Variants in SCRG1 observed in about 807,000 individuals in gnomAD.
SCRG1 encodes the protein scrapie-responsive protein 1.
In SCRG1, 3 loss-of-function variants were observed where a neutral mutation model predicts 7.7. That is an observed-to-expected ratio of 0.39 (90% CI 0.18 to 1.01). SCRG1 has a LOEUF of 1.01. Among genes scored for constraint, SCRG1 ranks in the 50% least tolerant of loss-of-function variants. The pLI is 0.36. For synonymous variants in SCRG1, 46 were observed against 41.2 expected (o/e 1.12, Z -0.44); for missense variants, 110 against 117.2 (o/e 0.94, Z 0.28).
At chr4:173,516,576 T>G in the SCRG1 span, among the ~76,000 whole-genome samples, 18 of 152,334 alleles carry the variant, frequency 1.2e-4, no homozygotes, top group Admixed American at 8.5e-4. Flanking sequence ...CCGTGTATAT[T>G]CCTCTGCTCC....
the SCRG1 span, among the ~76,000 whole-genome samples, chr4:173,492,806 G>A: frequency 4.9e-4 from 74 of 152,264 alleles, no homozygotes; most frequent in Non-Finnish European, 2.6e-4. Flanking sequence ...CTACGTGACC[G>A]CACTTCATGA....
At chr4:173,491,582 G>C in the SCRG1 span, among the ~76,000 whole-genome samples, 1 of 152,162 alleles carries the variant, frequency 6.6e-6, no homozygotes, top group Non-Finnish European at 1.5e-5. Flanking sequence ...AAGAGTCAAG[G>C]AATCAGCTCC....
At chr4:173,516,984 G>T in the SCRG1 span, among the ~76,000 whole-genome samples, 1 of 152,224 alleles carries the variant, frequency 6.6e-6, no homozygotes, top group Non-Finnish European at 1.5e-5. Flanking sequence ...TTTGTGCGCC[G>T]TAGTGCTTAG....
the SCRG1 span, among the ~76,000 whole-genome samples, chr4:173,463,810 G>A: frequency 6.6e-6 from 1 of 152,300 alleles, no homozygotes; most frequent in South Asian, 2.1e-4. Flanking sequence ...AATCCTGGAA[G>A]GTTGGGGAGA....
At chr4:173,471,768 G>A in the SCRG1 span, among the ~76,000 whole-genome samples, 1 of 152,208 alleles carries the variant, frequency 6.6e-6, no homozygotes, top group Non-Finnish European at 1.5e-5. Flanking sequence ...GGAGTGCAAT[G>A]GCGCGATCTC....
At chr4:173,442,155 G>A in the SCRG1 span, among the ~76,000 whole-genome samples, 2 of 152,148 alleles carry the variant, frequency 1.3e-5, no homozygotes, top group African/African-American at 4.8e-5. Flanking sequence ...TCTCTAAAAT[G>A]TACTTATTTT....
chr4:173,477,328 C>A, the SCRG1 span, among the ~76,000 whole-genome samples: 1 of 152,162 alleles, frequency 6.6e-6, no homozygotes, highest in South Asian at 2.1e-4. Flanking sequence ...GTGTGACTCA[C>A]AGCTTTCTTA....
chr4:173,487,248 T>C, the SCRG1 span, among the ~76,000 whole-genome samples: 2 of 152,214 alleles, frequency 1.3e-5, no homozygotes, highest in Non-Finnish European at 2.9e-5. Flanking sequence ...GGCTGGATAG[T>C]TGAAGCTCTC....
At chr4:173,463,048 C>G in the SCRG1 span, among the ~76,000 whole-genome samples, 6 of 151,990 alleles carry the variant, frequency 3.9e-5, no homozygotes, top group African/African-American at 1.5e-4. Context: ...AGAAAGAAGG[C>G]CACAAAACAA....
chr4:173,441,218 A>G, the SCRG1 span, among the ~76,000 whole-genome samples: 2 of 152,196 alleles, frequency 1.3e-5, no homozygotes, highest in Admixed American at 1.3e-4. Flanking sequence ...AACATGTGTG[A>G]TACATGTAAA....
At chr4:173,472,586 C>T in the SCRG1 span, among the ~76,000 whole-genome samples, 1 of 152,146 alleles carries the variant, frequency 6.6e-6, no homozygotes, top group Admixed American at 6.6e-5. Context: ...CTGGCTGACC[C>T]AAGGCTCAAG....
chr4:173,517,378 C>T, the SCRG1 span, among the ~76,000 whole-genome samples: 2,323 of 152,256 alleles, frequency 0.015, 65 homozygotes, highest in African/African-American at 0.051. Context: ...CCAGAGGGGG[C>T]GAGCGGGAGT....
At chr4:173,439,413 C>G in the SCRG1 span, among the ~76,000 whole-genome samples, 1 of 151,754 alleles carries the variant, frequency 6.6e-6, no homozygotes, top group Non-Finnish European at 1.5e-5. Context: ...GTGGTCCCAG[C>G]TACTTGGGAG....
the SCRG1 span, among the ~76,000 whole-genome samples, chr4:173,484,972 A>AATATATAAT: frequency 4.0e-5 from 1 of 24,884 alleles, no homozygotes; most frequent in Non-Finnish European, 7.6e-5. Flanking sequence ...TATTATATAT[A>AATATATAAT]ATATTATAAA....
chr4:173,482,469 T>G, the SCRG1 span, among the ~76,000 whole-genome samples: 3 of 152,142 alleles, frequency 2.0e-5, no homozygotes, highest in African/African-American at 7.2e-5. Flanking sequence ...GTCTTTTTTC[T>G]TGTCCATTGA....
chr4:173,444,074 A>T, the SCRG1 span, among the ~76,000 whole-genome samples: 1 of 151,716 alleles, frequency 6.6e-6, no homozygotes. Context: ...TCCAGTTTCA[A>T]GAGATTCTAC....
the SCRG1 span, among the ~76,000 whole-genome samples, chr4:173,505,242 G>T: frequency 3.9e-5 from 6 of 152,264 alleles, no homozygotes; most frequent in Non-Finnish European, 7.4e-5. The surrounding 1 kb of genome is among the most constrained non-coding windows in gnomAD (Gnocchi z 4.4). Flanking sequence ...GAAAGAGAAG[G>T]CTCAACAGGG....
chr4:173,458,084 T>C, the SCRG1 span, among the ~76,000 whole-genome samples: 1 of 152,092 alleles, frequency 6.6e-6, no homozygotes, highest in Non-Finnish European at 1.5e-5. Context: ...GAAAGGAGGA[T>C]GGGAAACTCT....
upstream of SCRG1, among the ~76,000 whole-genome samples, chr4:173,407,053 C>T (rs1160880785): frequency 6.6e-6 from 1 of 151,016 alleles, no homozygotes; most frequent in Non-Finnish European, 1.5e-5. Context: ...ACTAAAAATA[C>T]AAAAAATTAG....
Sources: allele counts gnomAD v4.1 joint callset (sites outside exome capture counted in the v4.1 genomes callset), GRCh38; gene constraint gnomAD v4.1.1; non-coding constraint Gnocchi (gnomAD v3.1); transcripts MANE v1.5; gene names NCBI Gene and HGNC (gene_info 2026-07-23, HGNC 2026-07-21).